The following SEMA3F variants were observed in gnomAD, a reference collection of about 807,000 sequenced individuals.
SEMA3F encodes semaphorin-3F.
Under a neutral mutation model 98.5 loss-of-function variants are expected in SEMA3F, and 30 were observed. The observed-to-expected ratio is 0.30, with a 90% confidence interval of 0.23 to 0.41. The LOEUF is 0.41. Ranked by LOEUF, SEMA3F falls within the 10% of genes least tolerant of loss-of-function variation. SEMA3F has a pLI of 1.00. For synonymous variants in SEMA3F, 380 were observed against 444.8 expected, an observed-to-expected ratio of 0.85 and a Z score of 1.83; for missense variants, 866 against 1,119.3, an observed-to-expected ratio of 0.77 and a Z score of 3.23.
chr3:50,165,608 T>C (rs1236291700), intron 2 of SEMA3F, among the ~76,000 whole-genome samples: 1 of 152,216 alleles, frequency 6.6e-6, no homozygotes, highest in Non-Finnish European at 1.5e-5. Context: ...ATCCTGGGAA[T>C]CTGAGCCCCG....
At position 50,175,121 on chromosome 3, in the gene SEMA3F, C is replaced by T. The variant is rs374979219; in HGVS notation, c.482C>T (p.Ala161Val). The T allele has an allele frequency of 1.3e-4, 208 of 1,611,460 alleles. No individual in the cohort carries two copies. The highest frequency in any genetic ancestry group is 3.3e-4 in the Middle Eastern group (2 of 6,056). The change falls in exon 6 of 19, where the codon GCG (alanine) becomes GTG (valine). Residue 161 changes from alanine (A) to valine (V), a missense_variant. By Grantham distance (64) the Ala-to-Val change is moderately conservative. Transcript: ENST00000002829. ...GCCACACCATGGACCCAGACTCAGG[C>T]GGTCAGAGGCCGCGGCAGCAGAGCC... ...AQATPWTQTQ[A>V]VRGRGSRATD...
intron 7 of SEMA3F, among the ~76,000 whole-genome samples, chr3:50,181,547 C>G (rs1699017838): frequency 1.3e-5 from 2 of 151,952 alleles, no homozygotes; most frequent in South Asian, 4.1e-4. Flanking sequence ...TGGTCTCGAT[C>G]TCTTGACCTC....
intron 14 of SEMA3F, 35 bp from the exon 15 acceptor site, chr3:50,185,631 C>T (rs776109296): frequency 6.2e-7 from 1 of 1,614,018 alleles, no homozygotes; most frequent in Non-Finnish European, 8.5e-7. Context: ...GGAGGGGGTC[C>T]CTGGCATCCC....
At position 50,174,333 on chromosome 3, in the gene SEMA3F, C is replaced by T. The variant is rs748505683; in HGVS notation, c.439C>T (p.Arg147Cys). 3.1e-6 allele frequency: 5 copies of T among 1,612,116 alleles called. No individual in the cohort carries two copies. Among genetic ancestry groups the T allele is most frequent in the East Asian group, 2.2e-5 (1 of 44,868 alleles). ...CAACCCCATGTGCACCTATGTGAACCGCGGACGCCGCGCCCAGGTAAGCCC... is the reference window on the plus strand; with the variant it reads ...CAACCCCATGTGCACCTATGTGAACTGCGGACGCCGCGCCCAGGTAAGCCC... ...AYNPMCTYVN[R>C]GRRAQATPWT... Residue 147 changes from arginine to cysteine, a missense_variant, in exon 5 of 19, where the codon CGC becomes TGC. This residue lies in a region of SEMA3F where 247 missense variants were observed against 276.0 expected (regional missense o/e 0.89). Coordinates refer to ENST00000002829, the MANE Select transcript of SEMA3F (RefSeq NM_004186.5).
At chr3:50,184,855 C>T (rs1289381213) in intron 13 of SEMA3F, 41 bp downstream of exon 13, 2 of 1,500,190 alleles carry the variant, frequency 1.3e-6, no homozygotes, top group Admixed American at 1.8e-5. Flanking sequence ...GCTGGGCCCA[C>T]CGGGTGCGGG....
intron 2 of SEMA3F, chr3:50,173,531 A>G: frequency 2.1e-6 from 1 of 466,046 alleles, no homozygotes; most frequent in Non-Finnish European, 3.8e-6. Flanking sequence ...AATCCCAGCT[A>G]GTCAGGAGGC....
At chr3:50,181,067 A>G (rs1488794346) in intron 7 of SEMA3F, among the ~76,000 whole-genome samples, 1 of 108,394 alleles carries the variant, frequency 9.2e-6, no homozygotes, top group Non-Finnish European at 2.4e-5. Flanking sequence ...ACTCCATCTC[A>G]AAAAAAAAAA....
chr3:50,170,327 G>A (rs1698556344), intron 2 of SEMA3F, among the ~76,000 whole-genome samples: 1 of 152,114 alleles, frequency 6.6e-6, no homozygotes, highest in African/African-American at 2.4e-5. Context: ...GAGTTGGGAA[G>A]GCTGGAGCTG....
In SEMA3F at chr3:50,175,657, C is replaced by T. The variant is rs575383798; in HGVS notation, c.549+469C>T. Reference sequence around the variant, plus strand: ...TCATGTGCTTGGGGCGCTCTTCTCCCGTGTGGTATCTGTCCACTAGTGATG... The same window carrying T: ...TCATGTGCTTGGGGCGCTCTTCTCCTGTGTGGTATCTGTCCACTAGTGATG... On this transcript the variant is annotated intron_variant, in intron 6 of 18. Coordinates refer to ENST00000002829, the MANE Select transcript of SEMA3F (RefSeq NM_004186.5). Among the ~76,000 whole-genome samples the T allele has an allele frequency of 2.8e-5, 4 of 144,548 alleles. No individual in the cohort carries two copies. In the South Asian group the frequency reaches 7.5e-4, roughly 27 times the overall value. The allele number at this position is 144,548 out of a possible 152,430, so 94.8% of individuals were successfully genotyped here.
intron 6 of SEMA3F, among the ~76,000 whole-genome samples, chr3:50,175,512 C>G (rs1396628463): frequency 2.0e-5 from 3 of 152,370 alleles, no homozygotes; most frequent in African/African-American, 7.2e-5. Context: ...GGATGTGGGC[C>G]TTCCTCACTC....
intron 6 of SEMA3F, among the ~76,000 whole-genome samples, chr3:50,176,553 T>C (rs186438653): frequency 1.3e-5 from 2 of 152,144 alleles, no homozygotes; most frequent in Admixed American, 1.3e-4. Context: ...CCCTAAGACC[T>C]GGGACTAGGA....
At chr3:50,184,467 G>A (rs940020228) in intron 12 of SEMA3F, 125 bp from the exon 13 acceptor site, 12 of 697,836 alleles carry the variant, frequency 1.7e-5, no homozygotes, top group South Asian at 3.5e-5. Context: ...CTTGGAGAGC[G>A]GGTTTGGGGA....
intron 2 of SEMA3F, among the ~76,000 whole-genome samples, chr3:50,167,356 G>A (rs1698440389): frequency 2.0e-5 from 3 of 152,232 alleles, no homozygotes; most frequent in South Asian, 4.1e-4. Flanking sequence ...AAGTCATTGG[G>A]TGTCCTTCGG....
intron 16 of SEMA3F, 58 bp from the exon 17 acceptor site, chr3:50,186,223 A>AG: frequency 3.8e-6 from 6 of 1,574,408 alleles, no homozygotes; most frequent in Non-Finnish European, 5.2e-6. Flanking sequence ...AGGGAGATAC[A>AG]GGGACCTGGG....
At chr3:50,186,230 TG>T (rs766840656) in intron 16 of SEMA3F, 50 bp from the exon 17 acceptor site, 10 of 1,588,348 alleles carry the variant, frequency 6.3e-6, no homozygotes, top group South Asian at 2.2e-5. Context: ...TACAGGGACC[TG>T]GGGGGGCAAG....
chr3:50,186,508 A>C (rs559003918), intron 17 of SEMA3F, 105 bp from the exon 18 acceptor site: 4 of 1,467,782 alleles, frequency 2.7e-6, no homozygotes, highest in Non-Finnish European at 3.7e-6. Context: ...CCATCAACAC[A>C]GAGCACTACA....
chr3:50,188,176 T>G lies in SEMA3F; in HGVS notation c.*61T>G, dbSNP rs950713961. On this transcript the variant is annotated 3_prime_UTR_variant, in exon 19 of 19. Coordinates refer to ENST00000002829, the MANE Select transcript of SEMA3F (RefSeq NM_004186.5). The surrounding 1 kb of genome is among the most constrained non-coding windows in gnomAD (Gnocchi z 4.5). Reference sequence around the variant, plus strand: ...CCCTTGTCCCTTTTAATATAAAAGATATATATATATATATATATATATAAA... The same window carrying G: ...CCCTTGTCCCTTTTAATATAAAAGAGATATATATATATATATATATATAAA... 9.2e-6 allele frequency: 3 copies of G among 326,736 alleles called. No individual in the cohort carries two copies. The highest frequency in any genetic ancestry group is 1.3e-4 in the South Asian group (1 of 7,752). The allele number at this position is 326,736 out of a possible 1,614,324, so 20.2% of individuals were successfully genotyped here. A position where few individuals can be genotyped will look rare whatever the true frequency, so the allele number is the denominator to read the frequency against.
At position 50,165,312 on chromosome 3, in the gene SEMA3F, G is replaced by A. The variant is rs79155184; in HGVS notation, c.112+5578G>A. 9.2e-3 allele frequency among the ~76,000 whole-genome samples: 1,396 copies of A among 152,312 alleles called. 11 individuals carry two copies. The highest frequency in any genetic ancestry group is 0.02 in the Admixed American group (301 of 15,304). ...ACAAGGATGTAGAGTTCTACTTTCT[G>A]TTTCTGGTTTTTAAGCTCTTTTTCC... On this transcript the variant is annotated intron_variant, in intron 2 of 18. Coordinates refer to ENST00000002829, the MANE Select transcript of SEMA3F (RefSeq NM_004186.5).
At position 50,188,465 on chromosome 3, in the gene SEMA3F, G is replaced by T. The variant is rs149702464; in HGVS notation, c.*350G>T. 181 of 152,630 alleles carry T rather than the reference G, an allele frequency of 1.2e-3. No homozygotes were observed. The highest frequency in any genetic ancestry group is 2.7e-3 in the Admixed American group (42 of 15,304). 9.5% of individuals were successfully genotyped at this position (152,630 alleles called of 1,614,324 possible). ...CAAAGGGAGGGAGCAAGCCCTACTCGGATGGGGCACGGACTGTCCACCTTT... is the reference window on the plus strand; with the variant it reads ...CAAAGGGAGGGAGCAAGCCCTACTCTGATGGGGCACGGACTGTCCACCTTT... On this transcript the variant is annotated 3_prime_UTR_variant, in exon 19 of 19. Coordinates refer to ENST00000002829, the MANE Select transcript of SEMA3F (RefSeq NM_004186.5). This position sits in a 1 kb window ranked among gnomAD's most constrained non-coding sequence, Gnocchi z 4.5.
Sources: allele counts gnomAD v4.1 joint callset (sites outside exome capture counted in the v4.1 genomes callset), GRCh38; gene constraint gnomAD v4.1.1; regional missense constraint gnomAD v4.1.1; non-coding constraint Gnocchi (gnomAD v3.1); transcripts MANE v1.5; gene names NCBI Gene and HGNC (gene_info 2026-07-23, HGNC 2026-07-21).